MROH9: variants seen among roughly 807,000 people sequenced by gnomAD.
MROH9 encodes the protein maestro heat like repeat family member 9, also known as maestro heat-like repeat-containing protein family member 9.
A neutral mutation model predicts 98.2 loss-of-function variants in MROH9; 92 were observed. That is an observed-to-expected ratio of 0.94 (90% confidence interval 0.79 to 1.11). MROH9 has a LOEUF of 1.11. MROH9 is among the 50% of genes most tolerant of loss of function. The pLI is 0.00. For missense variants in MROH9, 1,057 were observed against 1,014.8 expected, an observed-to-expected ratio of 1.04 and a Z score of -0.57; for synonymous variants, 397 against 368.9, an observed-to-expected ratio of 1.08 and a Z score of -0.87.
chr1:170,951,309 TG>T (rs1649545663), intron 3 of MROH9, among the ~76,000 whole-genome samples: 1 of 152,152 alleles, frequency 6.6e-6, no homozygotes, highest in African/African-American at 2.4e-5. Context: ...TAGGAGTTAG[TG>T]AACCAGCTCC....
chr1:170,947,696 G>C, intron 3 of MROH9, 123 bp downstream of exon 3: 3 of 809,472 alleles, frequency 3.7e-6, no homozygotes, highest in Non-Finnish European at 5.8e-6. Flanking sequence ...GGGGAGAAAG[G>C]GGAAAAAAAG....
rs1175031909 is a variant in MROH9 at position 170,995,452 on chromosome 1, T to C, written c.1258T>C (p.Phe420Leu). 6.2e-7 allele frequency: 1 copy of C among 1,613,410 alleles called. No individual in the cohort carries two copies. Among genetic ancestry groups the C allele is most frequent in the South Asian group, 1.1e-5 (1 of 91,056 alleles). ...CTACAGGAAAGCGGTGGCCCAGTAT[T>C]TCCCCCAGCTCTTGACGACTCTTAT... ...GSYRKAVAQY[F>L]PQLLTTLMFQ... is the part of the protein sequence containing the mutation. The change falls in exon 13 of 22, where the codon TTC becomes CTC. Residue 420 changes from phenylalanine to leucine, a missense_variant. By Grantham distance (22) the Phe-to-Leu change is conservative. Coordinates refer to ENST00000367759, the MANE Select transcript of MROH9 (RefSeq NM_001163629.2).
At chr1:171,026,687 T>C (rs1472023579) in intron 20 of MROH9, among the ~76,000 whole-genome samples, 1 of 152,076 alleles carries the variant, frequency 6.6e-6, no homozygotes, top group African/African-American at 2.4e-5. Context: ...AATAAGTAAT[T>C]TTAAAAAAGA....
At chr1:170,970,763 A>AGAGAGAGG (rs1650426944) in intron 7 of MROH9, among the ~76,000 whole-genome samples, 1 of 150,230 alleles carries the variant, frequency 6.7e-6, no homozygotes, top group African/African-American at 2.5e-5. Context: ...AGAGAGAGAG[A>AGAGAGAGG]GAGAGACAGA....
intron 20 of MROH9, among the ~76,000 whole-genome samples, chr1:171,055,770 T>C (rs1653820515): frequency 6.6e-6 from 1 of 151,864 alleles, no homozygotes; most frequent in African/African-American, 2.4e-5. Context: ...AAAAGAACCA[T>C]AATAAGTGCA....
At chr1:170,983,137 C>T (rs1174916880) in intron 8 of MROH9, among the ~76,000 whole-genome samples, 1 of 152,140 alleles carries the variant, frequency 6.6e-6, no homozygotes, top group Non-Finnish European at 1.5e-5. Flanking sequence ...GCTTTTCCAG[C>T]ACACTGAACC....
Position 171,004,752 on chromosome 1 carries a change from T to C in MROH9, c.1596+6478T>C, listed in dbSNP as rs190119319. Among the ~76,000 whole-genome samples the C allele has an allele frequency of 3.9e-4, 60 of 152,242 alleles. 1 individual carries two copies. Among genetic ancestry groups the C allele is most frequent in the African/African-American group, 1.2e-3 (50 of 41,542 alleles). ...TGTTCTGTCTGGAGCTGCAATCTAG[T>C]CCTGCTTCCCATCTGCCATGATCCC... On this transcript the variant is annotated intron_variant, in intron 15 of 21. Coordinates refer to ENST00000367759, the MANE Select transcript of MROH9 (RefSeq NM_001163629.2).
chr1:170,944,035 A>T (rs1571435041), intron 1 of MROH9, among the ~76,000 whole-genome samples: 1 of 152,156 alleles, frequency 6.6e-6, no homozygotes, highest in East Asian at 1.9e-4. Flanking sequence ...AAAATAAAAG[A>T]TAAGGGGAAA....
intron 8 of MROH9, among the ~76,000 whole-genome samples, chr1:170,973,733 A>G: frequency 6.6e-6 from 1 of 152,022 alleles, no homozygotes; most frequent in Admixed American, 6.6e-5. Flanking sequence ...AAATTAGCTG[A>G]GCATGGTGGT....
intron 5 of MROH9, among the ~76,000 whole-genome samples, chr1:170,961,157 CT>C (rs1650003736): frequency 6.6e-6 from 1 of 152,094 alleles, no homozygotes; most frequent in Non-Finnish European, 1.5e-5. Context: ...TTTCAATGAA[CT>C]TAAAGCAACA....
chr1:170,956,602 T>TTG (rs1454212441), intron 3 of MROH9, among the ~76,000 whole-genome samples: 1 of 149,420 alleles, frequency 6.7e-6, no homozygotes, highest in African/African-American at 2.5e-5. Context: ...TTTGTTTTTT[T>TTG]TTTTTTTTGC....
chr1:171,001,730 A>C (rs757875821), intron 15 of MROH9, among the ~76,000 whole-genome samples: 3 of 152,266 alleles, frequency 2.0e-5, no homozygotes, highest in Middle Eastern at 6.8e-3. Flanking sequence ...GTTGGATGAA[A>C]TACTCTGTAT....
chr1:171,032,701 T>C (rs1426832047), intron 20 of MROH9, among the ~76,000 whole-genome samples: 1 of 152,108 alleles, frequency 6.6e-6, no homozygotes, highest in African/African-American at 2.4e-5. Context: ...GCTAGTAGGA[T>C]CGCTCTTGTA....
In MROH9 at chr1:171,064,428, C is replaced by A. The variant is rs1357203660; in HGVS notation, c.*88C>A. ...TGACCTTAGAAGAAGAATGATTTTTCTTTCCCTCCTGACAACTTGAGTCTG... is the reference window on the plus strand; with the variant it reads ...TGACCTTAGAAGAAGAATGATTTTTATTTCCCTCCTGACAACTTGAGTCTG... On this transcript the variant is annotated 3_prime_UTR_variant, in exon 22 of 22. Transcript: ENST00000367759. The A allele has an allele frequency of 2.2e-6, 3 of 1,341,240 alleles. No homozygotes were observed. In the African/African-American group the frequency reaches 4.5e-5, roughly 20 times the overall value. The allele number at this position is 1,341,240 out of a possible 1,614,324, so 83.1% of individuals were successfully genotyped here.
At chr1:171,013,868 AATACAT>A (rs1427542632) in intron 15 of MROH9, among the ~76,000 whole-genome samples, 1 of 106,234 alleles carries the variant, frequency 9.4e-6, no homozygotes, top group African/African-American at 3.9e-5. Context: ...GAAAATGTAA[AATACAT>A]ACACACACAC....
chr1:171,033,638 C>T (rs1653001872), intron 20 of MROH9, among the ~76,000 whole-genome samples: 1 of 152,118 alleles, frequency 6.6e-6, no homozygotes, highest in African/African-American at 2.4e-5. Context: ...GTGAAGGATT[C>T]ACATGCTTAT....
In MROH9 at chr1:170,951,759, T is replaced by C. The variant is rs889778618; in HGVS notation, c.72+4186T>C. Among the ~76,000 whole-genome samples, 7 of 152,222 alleles carry C rather than the reference T, an allele frequency of 4.6e-5. No homozygotes were observed. In the South Asian group the frequency reaches 1.2e-3, roughly 27 times the overall value. On this transcript the variant is annotated intron_variant, in intron 3 of 21. Coordinates refer to ENST00000367759, the MANE Select transcript of MROH9 (RefSeq NM_001163629.2). ...ATATTAATAGCACAGTCCCAGCTGC[T>C]AAGTCCTATAAAGACAGGGCTGTTG...
At chr1:171,004,981 A>ATT (rs113441950) in intron 15 of MROH9, among the ~76,000 whole-genome samples, 4 of 147,586 alleles carry the variant, frequency 2.7e-5, no homozygotes, top group African/African-American at 9.9e-5. Context: ...CACAAACCTT[A>ATT]TTTTTTTTTT....
intron 1 of MROH9, among the ~76,000 whole-genome samples, chr1:170,942,694 A>G (rs1649172243): frequency 6.6e-6 from 1 of 152,192 alleles, no homozygotes; most frequent in Admixed American, 6.5e-5. Flanking sequence ...CTCCCTGGAT[A>G]GATGACTGAT....
Sources: allele counts gnomAD v4.1 joint callset (sites outside exome capture counted in the v4.1 genomes callset), GRCh38; gene constraint gnomAD v4.1.1; transcripts MANE v1.5; gene names NCBI Gene and HGNC (gene_info 2026-07-23, HGNC 2026-07-21).